Variants in CDK14 observed in about 807,000 individuals in gnomAD.
CDK14 encodes cyclin-dependent kinase 14.
A neutral mutation model predicts 60.7 loss-of-function variants in CDK14; 34 were observed. That is an observed-to-expected ratio of 0.56 (90% CI 0.43 to 0.75). CDK14 has a LOEUF of 0.75. CDK14 is among the 30% of genes least tolerant of loss of function. CDK14 has a pLI of 0.00. For missense variants in CDK14, 482 were observed against 564.1 expected (o/e 0.85, Z 1.47); for synonymous variants, 197 against 203.7 (o/e 0.97, Z 0.28).
intron 2 of CDK14, among the ~76,000 whole-genome samples, chr7:90,653,428 C>T (rs1800687896): frequency 6.6e-6 from 1 of 151,822 alleles, no homozygotes; most frequent in Admixed American, 6.6e-5. Flanking sequence ...CTGTTGGCTC[C>T]ATCTCTCTGT....
intron 5 of CDK14, among the ~76,000 whole-genome samples, chr7:90,835,186 A>T (rs1375724889): frequency 6.6e-6 from 1 of 152,142 alleles, no homozygotes; most frequent in African/African-American, 2.4e-5. Flanking sequence ...AAAGACATGG[A>T]TGCCAGATTA....
intron 2 of CDK14, among the ~76,000 whole-genome samples, chr7:90,717,432 AGTCACTGAAGCAGCGTAAAG>A (rs1054906878): frequency 1.3e-5 from 2 of 152,142 alleles, no homozygotes; most frequent in African/African-American, 2.4e-5. Context: ...ACAAAACTAC[AGTCACTGAAGCAGCGTAAAG>A]GTCACTGAAG....
intron 13 of CDK14, among the ~76,000 whole-genome samples, chr7:91,116,556 A>G (rs977660111): frequency 3.3e-5 from 5 of 152,170 alleles, no homozygotes; most frequent in African/African-American, 1.2e-4. Context: ...TAATGCTCTT[A>G]ATGTAGCTCT....
At chr7:91,061,713 CG>C (rs1797796435) in intron 11 of CDK14, among the ~76,000 whole-genome samples, 1 of 152,172 alleles carries the variant, frequency 6.6e-6, no homozygotes, top group African/African-American at 2.4e-5. Flanking sequence ...TGCAGAACAG[CG>C]GATATTGGTG....
At chr7:91,119,743 A>T (rs1799724197) in intron 14 of CDK14, among the ~76,000 whole-genome samples, 1 of 152,190 alleles carries the variant, frequency 6.6e-6, no homozygotes, top group African/African-American at 2.4e-5. Context: ...GGCATGGTGG[A>T]AAGTTATGAA....
At chr7:91,038,389 C>T (rs897837214) in intron 10 of CDK14, among the ~76,000 whole-genome samples, 1 of 152,114 alleles carries the variant, frequency 6.6e-6, no homozygotes, top group Non-Finnish European at 1.5e-5. Flanking sequence ...AAAGACATGA[C>T]CTCTTTACTT....
chr7:91,172,995 T>C (rs1801575728), intron 14 of CDK14, among the ~76,000 whole-genome samples: 1 of 152,172 alleles, frequency 6.6e-6, no homozygotes, highest in African/African-American at 2.4e-5. Context: ...TTTCCCATGT[T>C]GTTCTAAAAT....
intron 12 of CDK14, among the ~76,000 whole-genome samples, chr7:91,109,887 A>G (rs574299999): frequency 6.6e-6 from 1 of 152,060 alleles, no homozygotes; most frequent in Non-Finnish European, 1.5e-5. Context: ...AGGATTAAAG[A>G]CTGAATTTAC....
rs1174704611 is a variant in CDK14 at position 91,061,552 on chromosome 7, T to C, written c.1105+15592T>C. Among the ~76,000 whole-genome samples, 3 of 152,342 alleles carry C rather than the reference T, an allele frequency of 2.0e-5. No homozygotes were observed. In the East Asian group the frequency reaches 5.8e-4, roughly 29 times the overall value. ...GGTTTTATCTACCTTTGGTCTTTGA[T>C]GACGATGACGTACAGATGGAGTTTT... On this transcript the variant is annotated intron_variant, in intron 11 of 14. Coordinates refer to ENST00000380050, the MANE Select transcript of CDK14 (RefSeq NM_001287135.2).
chr7:90,823,985 G>A lies in CDK14; in HGVS notation c.544+33333G>A, dbSNP rs1015393775. Among the ~76,000 whole-genome samples, 4 of 152,074 alleles carry A rather than the reference G, an allele frequency of 2.6e-5. No homozygotes were observed. The East Asian group carries it at 5.8e-4, about 22-fold the overall frequency. On this transcript the variant is annotated intron_variant, in intron 5 of 14. Transcript: ENST00000380050. ...CTCCAAACAATAACTCAAAATTTTG[G>A]GAAAGAAAACAATTTTATGGCCATA...
chr7:91,132,889 T>C (rs1007396349), intron 14 of CDK14, among the ~76,000 whole-genome samples: 4 of 152,182 alleles, frequency 2.6e-5, no homozygotes, highest in Non-Finnish European at 5.9e-5. Flanking sequence ...CATAGTTTCT[T>C]GATTATACAT....
Position 91,125,155 on chromosome 7 carries a change from C to T in CDK14, c.*28+6947C>T, listed in dbSNP as rs754919747. On this transcript the variant is annotated intron_variant, in intron 14 of 14. Transcript: ENST00000380050. ...GGCAAAAAGAAGCTGAAAACTATTC[C>T]CGCTGTCCCATGGATACTCGTCACT... Among the ~76,000 whole-genome samples the T allele has an allele frequency of 3.1e-4, 47 of 152,188 alleles. 2 individuals are homozygous for T. The Middle Eastern group carries it at 0.014, about 44-fold the overall frequency.
intron 5 of CDK14, chr7:90,824,741 A>G (rs1394948043): frequency 2.0e-5 from 3 of 152,202 alleles, no homozygotes; most frequent in Non-Finnish European, 4.4e-5. Context: ...GATCTGGTGG[A>G]TTTATGAAAT....
chr7:90,833,024 C>T (rs905260170), intron 5 of CDK14, among the ~76,000 whole-genome samples: 3 of 152,126 alleles, frequency 2.0e-5, no homozygotes, highest in Non-Finnish European at 4.4e-5. Context: ...ACTTAGCTGT[C>T]GACTCTGTTT....
intron 11 of CDK14, among the ~76,000 whole-genome samples, chr7:91,052,252 A>T (rs1278252145): frequency 6.6e-6 from 1 of 152,164 alleles, no homozygotes; most frequent in East Asian, 1.9e-4. Flanking sequence ...GATGTTAAAG[A>T]ACTTCCCTAA....
intron 4 of CDK14, among the ~76,000 whole-genome samples, chr7:90,776,028 T>G (rs935539455): frequency 6.6e-6 from 1 of 152,096 alleles, no homozygotes; most frequent in Non-Finnish European, 1.5e-5. Flanking sequence ...CATAAGGATC[T>G]ACATTTACTT....
intron 10 of CDK14, among the ~76,000 whole-genome samples, chr7:91,022,674 G>A (rs1203229064): frequency 6.6e-6 from 1 of 152,182 alleles, no homozygotes; most frequent in East Asian, 1.9e-4. Context: ...TGAATTTCAT[G>A]TAAATGCAGT....
chr7:91,122,183 A>C (rs1799797638), intron 14 of CDK14, among the ~76,000 whole-genome samples: 1 of 152,202 alleles, frequency 6.6e-6, no homozygotes, highest in African/African-American at 2.4e-5. Context: ...TATTTGGTTC[A>C]ATTGCAAGAA....
intron 5 of CDK14, among the ~76,000 whole-genome samples, chr7:90,831,889 G>A (rs918140705): frequency 2.6e-5 from 4 of 151,826 alleles, no homozygotes; most frequent in Non-Finnish European, 2.9e-5. Flanking sequence ...TGGTCTCCTT[G>A]TTTTTCTTTA....
Sources: allele counts gnomAD v4.1 joint callset (sites outside exome capture counted in the v4.1 genomes callset), GRCh38; gene constraint gnomAD v4.1.1; transcripts MANE v1.5; gene names NCBI Gene and HGNC (gene_info 2026-07-23, HGNC 2026-07-21).